SZT2: variants seen among roughly 807,000 people sequenced by gnomAD.
SZT2 encodes the protein KICSTOR complex protein SZT2.
Under a neutral mutation model 404.2 loss-of-function variants are expected in SZT2, and 216 were observed. The observed-to-expected ratio is 0.53, with a 90% CI of 0.48 to 0.60. The LOEUF (loss-of-function observed/expected upper bound fraction) is 0.60. SZT2 is among the 20% of genes least tolerant of loss of function. SZT2 has a pLI of 0.00. For missense variants in SZT2, 3,857 were observed against 4,459.2 expected, an observed-to-expected ratio of 0.86 and a Z score of 3.85; for synonymous variants, 1,693 against 1,749.9, an observed-to-expected ratio of 0.97 and a Z score of 0.81.
Position 43,430,313 on chromosome 1 carries a change from T to C in SZT2, c.4404T>C (p.Asp1468=), listed in dbSNP as rs1570666991. 3 of 1,613,878 alleles carry C rather than the reference T, an allele frequency of 1.9e-6. No individual in the cohort carries two copies. The highest frequency in any genetic ancestry group is 2.2e-5 in the East Asian group (1 of 44,854). ...FYCPPSSRRE[D]EGPRDTVDRK... The stretch of plus-strand genomic sequence containing the variant: ...TCTTGCTTCATTCTTTTGCCTAGGA[T>C]GAGGGGCCTCGGGACACAGTAGACA... The change falls in exon 31 of 72, where the codon GAT becomes GAC. Residue 1468 remains aspartate (D), a splice_region_variant and synonymous_variant. Coordinates refer to ENST00000634258, the MANE Select transcript of SZT2 (RefSeq NM_001365999.1).
intron 62 of SZT2, among the ~76,000 whole-genome samples, chr1:43,444,169 T>TC (rs2153936261): frequency 6.6e-6 from 1 of 152,290 alleles, no homozygotes; most frequent in East Asian, 1.9e-4. Context: ...CGATCTCGGC[T>TC]CACTGCAACC....
Position 43,428,127 on chromosome 1 carries a change from G to A in SZT2, c.3919+9G>A. 6.2e-7 allele frequency: 1 copy of A among 1,613,144 alleles called. No homozygotes were observed. Among genetic ancestry groups the A allele is most frequent in the Middle Eastern group, 1.7e-4 (1 of 6,056 alleles). ...GCGGTGCTATGTCCGTGGTGAGCAG[G>A]AGGGCCGTGGGAGGGAGGAGTGGGG... On this transcript the variant is annotated intron_variant, in intron 27 of 71. Coordinates refer to ENST00000634258, the MANE Select transcript of SZT2 (RefSeq NM_001365999.1).
rs1557612187 is a variant in SZT2 at position 43,451,117 on chromosome 1, CTA to C, written c.*639_*640del. 5.1e-6 allele frequency: 5 copies of C among 974,582 alleles called. No homozygotes were observed. Among genetic ancestry groups the C allele is most frequent in the Non-Finnish European group, 6.6e-6 (4 of 604,810 alleles). 60.4% of individuals were successfully genotyped at this position (974,582 alleles called of 1,614,324 possible). A position where few individuals can be genotyped will look rare whatever the true frequency, so the allele number is the denominator to read the frequency against. ...AGCAGAGAAACTGAAGTGTTAGACA[CTA>C]TGTGTCCCACCACCCCATTACAGAG... On this transcript the variant is annotated 3_prime_UTR_variant, in exon 72 of 72. Coordinates refer to ENST00000634258, the MANE Select transcript of SZT2 (RefSeq NM_001365999.1).
chr1:43,434,293 T>TA (rs1654233348), intron 40 of SZT2, 93 bp from the exon 41 acceptor site: 2 of 1,084,520 alleles, frequency 1.8e-6, no homozygotes, highest in African/African-American at 1.6e-5. Context: ...CCCCTCGTGA[T>TA]ACGTATAACT....
At position 43,437,129 on chromosome 1, in the gene SZT2, G is replaced by A. The variant is rs769829744; in HGVS notation, c.6035-42G>A. 6.4e-5 allele frequency: 103 copies of A among 1,609,090 alleles called. 1 individual carries two copies. The Middle Eastern group carries it at 6.6e-4, about 10-fold the overall frequency. The stretch of plus-strand genomic sequence containing the variant: ...GGTGAGAAGTCTGTGGAGGGCAGAG[G>A]GTGGTGTGTCCCATTTCTAATCCCT... On this transcript the variant is annotated intron_variant, in intron 42 of 71. Transcript: ENST00000634258. This position sits in a 1 kb window ranked among gnomAD's most constrained non-coding sequence, Gnocchi z 5.3.
intron 1 of SZT2, among the ~76,000 whole-genome samples, chr1:43,402,579 G>C (rs542050969): frequency 2.0e-5 from 3 of 152,320 alleles, no homozygotes; most frequent in Non-Finnish European, 2.9e-5. Flanking sequence ...ACATGGGCAA[G>C]GGAACCGATG....
chr1:43,431,645 C>T, intron 35 of SZT2, 71 bp from the exon 36 acceptor site: 1 of 1,601,464 alleles, frequency 6.2e-7, no homozygotes, highest in South Asian at 1.1e-5. Context: ...AAATTATCTT[C>T]TAGTCCGGGA....
Position 43,450,246 on chromosome 1 carries a change from G to T in SZT2, c.10155+75G>T. The T allele has an allele frequency of 6.2e-7, 1 of 1,613,898 alleles. No homozygotes were observed. Among genetic ancestry groups the T allele is most frequent in the Non-Finnish European group, 8.5e-7 (1 of 1,179,804 alleles). On this transcript the variant is annotated intron_variant, in intron 71 of 71. Transcript: ENST00000634258. This position sits in a 1 kb window ranked among gnomAD's most constrained non-coding sequence, Gnocchi z 4.3. The stretch of plus-strand genomic sequence containing the variant: ...CAAATGCTCCACCTCGGAGCCTGCT[G>T]AGGTTGGGGTGCCCACCCTTTCTGA...
chr1:43,430,887 G>A (rs1653788768), intron 32 of SZT2, 62 bp from the exon 33 acceptor site: 1 of 1,586,868 alleles, frequency 6.3e-7, no homozygotes, highest in South Asian at 1.2e-5. Flanking sequence ...TTAACACATA[G>A]ATCTTGGAAT....
intron 4 of SZT2, chr1:43,412,101 T>C (rs977269194): frequency 6.6e-6 from 1 of 151,608 alleles, no homozygotes; most frequent in Non-Finnish European, 1.5e-5. Flanking sequence ...TCTGTCCGCT[T>C]CCTGTGTAAG....
In SZT2 at chr1:43,431,908, T is replaced by A. The variant is rs372829949; in HGVS notation, c.5274+7T>A. 6.2e-7 allele frequency: 1 copy of A among 1,614,014 alleles called. No individual in the cohort carries two copies. The highest frequency in any genetic ancestry group is 8.5e-7 in the Non-Finnish European group (1 of 1,180,002). On this transcript the variant is annotated splice_region_variant and intron_variant, in intron 36 of 71. Coordinates refer to ENST00000634258, the MANE Select transcript of SZT2 (RefSeq NM_001365999.1). ...CCTCACACAATTCAAGGAGGTAAGTTGCCCTCCAAACACTGCAGGGTCACC... is the reference window on the plus strand; with the variant it reads ...CCTCACACAATTCAAGGAGGTAAGTAGCCCTCCAAACACTGCAGGGTCACC...
intron 7 of SZT2, among the ~76,000 whole-genome samples, chr1:43,418,225 A>T (rs910255857): frequency 3.3e-5 from 5 of 152,174 alleles, no homozygotes; most frequent in Admixed American, 3.3e-4. Context: ...AACCAGAGGG[A>T]AGTACAGGGT....
chr1:43,394,879 C>CA (rs565825081), intron 1 of SZT2, among the ~76,000 whole-genome samples: 1,082 of 78,154 alleles, frequency 0.014, 11 homozygotes, highest in African/African-American at 0.045. Flanking sequence ...AACTCCATCT[C>CA]AAAAAAAAAA....
chr1:43,443,037 C>T lies in SZT2; in HGVS notation c.8370C>T (p.Val2790=). 1 of 1,613,828 alleles carries T rather than the reference C, an allele frequency of 6.2e-7. No individual in the cohort carries two copies. The highest frequency in any genetic ancestry group is 8.5e-7 in the Non-Finnish European group (1 of 1,179,816). ...CTGTGCCCAGACCTCCTGATCCTGT[C>T]ACCTACCATGGACAACAGTTCCTAG... ...LGPVPRPPDP[V]TYHGQQFLEI... The change falls in exon 59 of 72, where the codon GTC becomes GTT. Residue 2790 remains valine (V), a synonymous_variant. Transcript: ENST00000634258.
Position 43,443,745 on chromosome 1 carries a change from A to C in SZT2, c.8774A>C (p.Gln2925Pro). 6.2e-7 allele frequency: 1 copy of C among 1,614,174 alleles called. No individual in the cohort carries two copies. Residue 2925 changes from glutamine (Q) to proline (P), a missense_variant, in exon 62 of 72, where the codon CAG (glutamine) becomes CCG (proline). Transcript: ENST00000634258. Reference sequence around the variant, plus strand: ...CTGCAGCAATATGTGCAGTATCTGCAGAGCATAGGTTTTGTGCTGGTACCA... The same window carrying C: ...CTGCAGCAATATGTGCAGTATCTGCCGAGCATAGGTTTTGTGCTGGTACCA... The part of the protein sequence containing the change: ...AFLQQYVQYL[Q>P]SIGFVLVPLR...
Position 43,437,644 on chromosome 1 carries a change from C to A in SZT2, c.6340C>A (p.Pro2114Thr). The A allele has an allele frequency of 6.2e-7, 1 of 1,614,078 alleles. No individual in the cohort carries two copies. Among genetic ancestry groups the A allele is most frequent in the Non-Finnish European group, 8.5e-7 (1 of 1,180,024 alleles). Reference sequence around the variant, plus strand: ...CCGGCCATGGAAAGGGGATGCGCTGCCCCCTTCCCTCGCTCTGTCCCGAAG... The same window carrying A: ...CCGGCCATGGAAAGGGGATGCGCTGACCCCTTCCCTCGCTCTGTCCCGAAG... ...SDRPWKGDALPPSLALSRSQE... is the reference protein window; with the variant it reads ...SDRPWKGDALTPSLALSRSQE... The change falls in exon 45 of 72, where the codon CCC (proline) becomes ACC (threonine). Residue 2114 changes from proline to threonine, a missense_variant. Physicochemically the swap from Pro to Thr is conservative, Grantham distance 38. Around this residue, in one of 7 missense-constraint regions of SZT2, gnomAD observed 261 missense variants for 372.9 expected, o/e 0.70. Transcript: ENST00000634258. The surrounding 1 kb of genome is among the most constrained non-coding windows in gnomAD (Gnocchi z 5.3).
At chr1:43,415,248 G>A (rs1232311087) in intron 5 of SZT2, 35 bp downstream of exon 5, 1 of 1,595,076 alleles carries the variant, frequency 6.3e-7, no homozygotes, top group Non-Finnish European at 8.5e-7. Flanking sequence ...AGGCAACTTA[G>A]AAAGAGGAGC....
At position 43,428,019 on chromosome 1, in the gene SZT2, C is replaced by T. The variant is rs1570656921; in HGVS notation, c.3820C>T (p.His1274Tyr). 3 of 1,614,024 alleles carry T rather than the reference C, an allele frequency of 1.9e-6. No individual in the cohort carries two copies. The highest frequency in any genetic ancestry group is 2.5e-6 in the Non-Finnish European group (3 of 1,179,928). ...GTTTCCTAGGACTCAGTTCCTCGAC[C>T]ACCCCTCCCCATCCTCAGCCTGGAT... is the stretch of plus-strand genomic sequence containing the variant. ...DLIFRTQFLD[H>Y]PSPSSAWMEP... Residue 1274 changes from histidine to tyrosine, a missense_variant, in exon 27 of 72, where the codon CAC becomes TAC. Transcript: ENST00000634258.
chr1:43,442,496 G>T lies in SZT2; in HGVS notation c.8029G>T (p.Ala2677Ser). The T allele has an allele frequency of 6.2e-7, 1 of 1,614,188 alleles. No individual in the cohort carries two copies. Among genetic ancestry groups the T allele is most frequent in the Non-Finnish European group, 8.5e-7 (1 of 1,180,020 alleles). ...APDLGAALGR[A>S]LVRLVQWQNA... ...AGACCTGGGGGCAGCATTGGGCCGA[G>T]CGCTGGTTCGCCTGGTGCAGTGGCA... is the stretch of plus-strand genomic sequence containing the variant. The change falls in exon 58 of 72, where the codon GCG (alanine) becomes TCG (serine). Residue 2677 changes from alanine (A) to serine (S), a missense_variant. Ala to Ser is a moderately conservative substitution (Grantham distance 99). This residue lies in a region of SZT2 where 573 missense variants were observed against 592.4 expected (regional missense o/e 0.97). Transcript: ENST00000634258. The surrounding 1 kb of genome is among the most constrained non-coding windows in gnomAD (Gnocchi z 4.5).
Sources: allele counts gnomAD v4.1 joint callset (sites outside exome capture counted in the v4.1 genomes callset), GRCh38; gene constraint gnomAD v4.1.1; regional missense constraint gnomAD v4.1.1; non-coding constraint Gnocchi (gnomAD v3.1); transcripts MANE v1.5; gene names NCBI Gene and HGNC (gene_info 2026-07-23, HGNC 2026-07-21).